The following SRGAP3 variants were observed in gnomAD, a reference collection of about 807,000 sequenced individuals.
SRGAP3 encodes SLIT-ROBO Rho GTPase-activating protein 3.
SRGAP3 carries 39 observed loss-of-function variants against 121.1 expected under a neutral mutation model. That is an observed-to-expected ratio of 0.32 (90% CI 0.25 to 0.42). The LOEUF is 0.42. Ranked by LOEUF, SRGAP3 falls within the 10% of genes least tolerant of loss-of-function variation. The pLI, the probability that SRGAP3 is intolerant of heterozygous loss-of-function variation, is 1.00. For missense variants in SRGAP3, 1,213 were observed against 1,470.6 expected (o/e 0.82, Z 2.86); for synonymous variants, 601 against 570.0 (o/e 1.05, Z -0.77).
chr3:9,208,356 C>T (rs1343375621), intron 1 of SRGAP3, among the ~76,000 whole-genome samples: 1 of 152,220 alleles, frequency 6.6e-6, no homozygotes, highest in East Asian at 1.9e-4. Flanking sequence ...TGAAACCCCT[C>T]TCTTCTCCCA....
chr3:9,245,034 T>G (rs1397600144), intron 1 of SRGAP3, among the ~76,000 whole-genome samples: 3 of 152,208 alleles, frequency 2.0e-5, no homozygotes, highest in African/African-American at 7.2e-5. Flanking sequence ...TTTTCTGTCT[T>G]TGGCCACATC....
intron 3 of SRGAP3, among the ~76,000 whole-genome samples, chr3:9,287,382 T>C (rs908290761): frequency 9.2e-5 from 14 of 152,186 alleles, no homozygotes; most frequent in Admixed American, 8.5e-4. Context: ...TTGGAAAGAG[T>C]CTACTGGTGA....
chr3:9,333,851 T>TG (rs1955648727), intron 1 of SRGAP3, among the ~76,000 whole-genome samples: 1 of 152,144 alleles, frequency 6.6e-6, no homozygotes, highest in Admixed American at 6.5e-5. Context: ...CAACAATTAC[T>TG]GAGAGTCTCC....
chr3:9,119,176 C>T (rs1242908931), intron 2 of SRGAP3, among the ~76,000 whole-genome samples: 1 of 152,154 alleles, frequency 6.6e-6, no homozygotes, highest in African/African-American at 2.4e-5. Context: ...TCCCCAAGTC[C>T]TTCCCATCTC....
chr3:8,993,109 T>C, intron 19 of SRGAP3, 54 bp from the exon 20 acceptor site: 16 of 1,609,702 alleles, frequency 9.9e-6, no homozygotes, highest in Non-Finnish European at 1.4e-5. Context: ...GAACCCAGCA[T>C]ATACAGAGCT....
intron 10 of SRGAP3, 85 bp from the exon 11 acceptor site, chr3:9,038,175 A>G: frequency 6.6e-7 from 1 of 1,525,868 alleles, no homozygotes; most frequent in Non-Finnish European, 9.0e-7. Context: ...AACAAAATAC[A>G]ATGAGTCTTA....
At chr3:8,997,045 C>T (rs1161661184) in intron 18 of SRGAP3, among the ~76,000 whole-genome samples, 1 of 152,156 alleles carries the variant, frequency 6.6e-6, no homozygotes, top group Non-Finnish European at 1.5e-5. Context: ...GGCGAACCTC[C>T]AGCTCAGAGA....
chr3:9,329,554 C>T (rs1955571680), intron 2 of SRGAP3, among the ~76,000 whole-genome samples: 1 of 152,158 alleles, frequency 6.6e-6, no homozygotes, highest in African/African-American at 2.4e-5. Context: ...AATTTCAACA[C>T]ATGGTGTCTG....
At chr3:9,348,526 C>T (rs556787417) in intron 1 of SRGAP3, 46 of 755,736 alleles carry the variant, frequency 6.1e-5, no homozygotes, top group Admixed American at 5.0e-4. Context: ...GGTACAACAC[C>T]GACCTGAGCC....
At chr3:9,327,695 A>AAGC (rs1392363530) in intron 2 of SRGAP3, among the ~76,000 whole-genome samples, 2 of 152,220 alleles carry the variant, frequency 1.3e-5, no homozygotes, top group African/African-American at 4.8e-5. Context: ...TAAAGCAGGC[A>AAGC]AGCTGTACAG....
At chr3:9,136,233 C>A (rs1233841307) in intron 1 of SRGAP3, among the ~76,000 whole-genome samples, 2 of 152,238 alleles carry the variant, frequency 1.3e-5, no homozygotes, top group Non-Finnish European at 2.9e-5. Flanking sequence ...CACGGGCTCC[C>A]CATTGCCGCC....
chr3:9,249,652 C>A (rs916396489), upstream of SRGAP3: 5 of 234,060 alleles, frequency 2.1e-5, no homozygotes, highest in Non-Finnish European at 3.4e-5. Context: ...GGACTGCTCG[C>A]CCTGCAGGGC....
chr3:9,013,611 C>T (rs1373589820), intron 16 of SRGAP3, 76 bp from the exon 17 acceptor site: 1 of 1,565,338 alleles, frequency 6.4e-7, no homozygotes. Context: ...TTTTGGGGGA[C>T]CCTATTCAAA....
chr3:9,096,498 G>T lies in SRGAP3; in HGVS notation c.423+8182C>A, dbSNP rs376470210. Among the ~76,000 whole-genome samples the T allele has an allele frequency of 1.8e-4, 28 of 152,212 alleles. No individual in the cohort carries two copies. In the East Asian group the frequency reaches 2.7e-3, roughly 15 times the overall value. On this transcript the variant is annotated intron_variant, in intron 3 of 21. Transcript: ENST00000383836. ...CTCTCTTCAGCAGCAAGTGTGACTTGCTCTTGGCTTTGATAATACCTTTTA... is the reference window on the plus strand; with the variant it reads ...CTCTCTTCAGCAGCAAGTGTGACTTTCTCTTGGCTTTGATAATACCTTTTA...
At position 9,147,327 on chromosome 3, in the gene SRGAP3, G is replaced by A. The variant is rs550264090; in HGVS notation, c.68-22410C>T. Among the ~76,000 whole-genome samples the A allele has an allele frequency of 3.3e-5, 5 of 152,300 alleles. No homozygotes were observed. In the South Asian group the frequency reaches 1.0e-3, roughly 32 times the overall value. On this transcript the variant is annotated intron_variant, in intron 1 of 21. Transcript: ENST00000383836. ...AGAGAAGTGGGGTAAGGGGTCAGTA[G>A]GCTCAAGGGTTGATCATACTCCAGT...
chr3:9,206,362 C>A (rs756766340), intron 1 of SRGAP3, among the ~76,000 whole-genome samples: 1 of 152,148 alleles, frequency 6.6e-6, no homozygotes, highest in Non-Finnish European at 1.5e-5. Context: ...CTGACTGGTG[C>A]GGAAGCTCAG....
intron 9 of SRGAP3, among the ~76,000 whole-genome samples, chr3:9,048,734 G>C (rs1011853626): frequency 6.6e-6 from 1 of 152,194 alleles, no homozygotes; most frequent in Non-Finnish European, 1.5e-5. Context: ...CAAGGTGAGA[G>C]AATCACTTGA....
At chr3:9,099,925 T>C (rs1021720008) in intron 3 of SRGAP3, among the ~76,000 whole-genome samples, 1 of 152,046 alleles carries the variant, frequency 6.6e-6, no homozygotes, top group Non-Finnish European at 1.5e-5. Context: ...TAAGGTAAAA[T>C]ACGCCAGCAG....
chr3:9,101,184 A>C (rs959924339), intron 3 of SRGAP3, among the ~76,000 whole-genome samples: 6 of 152,240 alleles, frequency 3.9e-5, no homozygotes, highest in Non-Finnish European at 8.8e-5. Context: ...ATTGAGGGAC[A>C]TCTAGCAGAG....
Sources: allele counts gnomAD v4.1 joint callset (sites outside exome capture counted in the v4.1 genomes callset), GRCh38; gene constraint gnomAD v4.1.1; transcripts MANE v1.5; gene names NCBI Gene and HGNC (gene_info 2026-07-23, HGNC 2026-07-21).